The following THADA variants were observed in gnomAD, a reference collection of about 807,000 sequenced individuals.
The protein encoded by THADA is THADA armadillo repeat containing, also known as tRNA (32-2'-O)-methyltransferase regulator THADA.
A neutral mutation model predicts 219.8 loss-of-function variants in THADA; 213 were observed. The ratio of observed to expected loss-of-function variants is 0.97; its 90% confidence interval spans 0.87 to 1.09. THADA has a LOEUF of 1.09. THADA is among the 50% of genes least tolerant of loss of function. THADA has a pLI of 0.00. For missense variants in THADA, 2,956 were observed against 2,311.3 expected (o/e 1.28, Z -5.72); for synonymous variants, 1,018 against 828.9 (o/e 1.23, Z -3.92).
intron 36 of THADA, among the ~76,000 whole-genome samples, chr2:43,261,465 T>C (rs1007507597): frequency 6.6e-6 from 1 of 151,508 alleles, no homozygotes; most frequent in African/African-American, 2.4e-5. Flanking sequence ...AGACAGAGTC[T>C]TGCTCTGTCG....
At chr2:43,309,837 C>T (rs1295442986) in intron 31 of THADA, among the ~76,000 whole-genome samples, 1 of 152,098 alleles carries the variant, frequency 6.6e-6, no homozygotes, top group Admixed American at 6.6e-5. Context: ...ACAATAGAAC[C>T]TATTAGAGCT....
chr2:43,249,341 G>A (rs1454939924), intron 36 of THADA, among the ~76,000 whole-genome samples: 1 of 152,176 alleles, frequency 6.6e-6, no homozygotes, highest in Non-Finnish European at 1.5e-5. Flanking sequence ...TCCCACCTTG[G>A]CCTCCCAAAA....
At chr2:43,239,229 C>T (rs1668370787) in intron 36 of THADA, among the ~76,000 whole-genome samples, 1 of 152,192 alleles carries the variant, frequency 6.6e-6, no homozygotes, top group Non-Finnish European at 1.5e-5. Context: ...TGCAGTATAG[C>T]CTTCATCTTG....
intron 26 of THADA, among the ~76,000 whole-genome samples, chr2:43,463,679 C>T (rs912705286): frequency 6.6e-6 from 1 of 150,576 alleles, no homozygotes; most frequent in Non-Finnish European, 1.5e-5. Context: ...ACAAATGTTA[C>T]ATTTACTAAA....
chr2:43,281,380 T>C (rs114499286), intron 35 of THADA, among the ~76,000 whole-genome samples: 1,608 of 152,178 alleles, frequency 0.011, 11 homozygotes, highest in Non-Finnish European at 0.019. Context: ...CTTTAGTCCA[T>C]TTCAATTTTT....
chr2:43,491,368 C>T (rs989521332), intron 25 of THADA, among the ~76,000 whole-genome samples: 3 of 151,938 alleles, frequency 2.0e-5, no homozygotes, highest in Non-Finnish European at 4.4e-5. Context: ...CAAAAGTAAC[C>T]GCAGTTATTG....
At chr2:43,529,785 A>G (rs1328529839) in intron 21 of THADA, among the ~76,000 whole-genome samples, 1 of 152,234 alleles carries the variant, frequency 6.6e-6, no homozygotes, top group Non-Finnish European at 1.5e-5. Flanking sequence ...ATCTCAGCAT[A>G]GGGACTAGAT....
chr2:43,586,554 T>C, intron 6 of THADA, 105 bp from the exon 7 acceptor site: 2 of 1,337,244 alleles, frequency 1.5e-6, no homozygotes, highest in Non-Finnish European at 2.0e-6. Context: ...TATCATGATA[T>C]GGAAACAAAA....
intron 28 of THADA, among the ~76,000 whole-genome samples, chr2:43,427,731 CG>C (rs1553438677): frequency 1.3e-5 from 2 of 149,000 alleles, no homozygotes; most frequent in Non-Finnish European, 3.0e-5. Context: ...ATGAGGTGGG[CG>C]GATCACAAGG....
At chr2:43,554,801 C>T (rs957228576) in intron 17 of THADA, among the ~76,000 whole-genome samples, 3 of 152,136 alleles carry the variant, frequency 2.0e-5, no homozygotes, top group African/African-American at 7.2e-5. Flanking sequence ...AACTCTTAGA[C>T]ATGTGCATTA....
intron 25 of THADA, among the ~76,000 whole-genome samples, chr2:43,498,038 T>G (rs1688488053): frequency 6.6e-6 from 1 of 152,196 alleles, no homozygotes; most frequent in Non-Finnish European, 1.5e-5. Context: ...ATGTGGGATG[T>G]GTGTATACTG....
chr2:43,261,964 GC>G (rs1312749670), intron 36 of THADA, among the ~76,000 whole-genome samples: 1 of 152,112 alleles, frequency 6.6e-6, no homozygotes, highest in Non-Finnish European at 1.5e-5. Context: ...TAGAGATGGG[GC>G]TTTGCCACGT....
At chr2:43,265,404 T>C (rs901145852) in intron 36 of THADA, among the ~76,000 whole-genome samples, 1 of 152,194 alleles carries the variant, frequency 6.6e-6, no homozygotes, top group African/African-American at 2.4e-5. Context: ...GTTAGAGAAA[T>C]AATAAAATTA....
chr2:43,453,002 C>T (rs1682533400), intron 26 of THADA, among the ~76,000 whole-genome samples: 1 of 152,158 alleles, frequency 6.6e-6, no homozygotes, highest in Non-Finnish European at 1.5e-5. Flanking sequence ...AGGCTAAATG[C>T]TTCACTTTTC....
At chr2:43,548,750 G>A (rs553865485) in intron 20 of THADA, among the ~76,000 whole-genome samples, 8 of 152,184 alleles carry the variant, frequency 5.3e-5, no homozygotes, top group Non-Finnish European at 8.8e-5. Context: ...GCAGTGACCC[G>A]ATTTTCCAGG....
chr2:43,393,407 A>G (rs1441881446), intron 29 of THADA, among the ~76,000 whole-genome samples: 2 of 152,164 alleles, frequency 1.3e-5, no homozygotes, highest in Non-Finnish European at 2.9e-5. Flanking sequence ...CAGGCTTTAG[A>G]GTTTAATATG....
intron 24 of THADA, among the ~76,000 whole-genome samples, chr2:43,499,843 G>A (rs1040096778): frequency 6.6e-6 from 1 of 151,864 alleles, no homozygotes; most frequent in Admixed American, 6.6e-5. Context: ...TTTTTTAAAT[G>A]ACTAGAATGA....
intron 36 of THADA, among the ~76,000 whole-genome samples, chr2:43,248,479 G>T (rs969359367): frequency 3.3e-5 from 5 of 151,964 alleles, no homozygotes; most frequent in African/African-American, 1.2e-4. Flanking sequence ...AGATCTGCCC[G>T]CCTTAGCCTC....
At chr2:43,536,130 AG>A (rs1357604236) in intron 21 of THADA, among the ~76,000 whole-genome samples, 1 of 152,040 alleles carries the variant, frequency 6.6e-6, no homozygotes, top group Non-Finnish European at 1.5e-5. Context: ...TTTTGTATAG[AG>A]TGAGAGGTGG....
Sources: allele counts gnomAD v4.1 joint callset (sites outside exome capture counted in the v4.1 genomes callset), GRCh38; gene constraint gnomAD v4.1.1; transcripts MANE v1.5; gene names NCBI Gene and HGNC (gene_info 2026-07-23, HGNC 2026-07-21).